LDB2: variants seen among roughly 807,000 people sequenced by gnomAD.
LDB2 encodes the protein LIM domain binding 2.
In LDB2, 12 loss-of-function variants were observed where a neutral mutation model predicts 44.3. The observed-to-expected ratio is 0.27, with a 90% CI of 0.17 to 0.44. LDB2 has a LOEUF of 0.44. LDB2 is among the 20% of genes least tolerant of loss of function. The pLI, the probability that LDB2 is intolerant of heterozygous loss-of-function variation, is 1.00. For missense variants in LDB2, 344 were observed against 473.5 expected, an observed-to-expected ratio of 0.73 and a Z score of 2.54; for synonymous variants, 164 against 174.8, an observed-to-expected ratio of 0.94 and a Z score of 0.49.
intron 5 of LDB2, among the ~76,000 whole-genome samples, chr4:16,581,009 T>C (rs1330605907): frequency 6.6e-6 from 1 of 152,194 alleles, no homozygotes; most frequent in African/African-American, 2.4e-5. Flanking sequence ...TGATGGCAAT[T>C]TCAAACTGAG....
chr4:16,683,971 C>T (rs1210311036), intron 2 of LDB2, among the ~76,000 whole-genome samples: 1 of 152,190 alleles, frequency 6.6e-6, no homozygotes, highest in Non-Finnish European at 1.5e-5. Flanking sequence ...ATTTATCTCA[C>T]TTTCTATTAG....
At chr4:16,788,008 A>T (rs1262265741) in intron 1 of LDB2, among the ~76,000 whole-genome samples, 1 of 152,098 alleles carries the variant, frequency 6.6e-6, no homozygotes, top group East Asian at 1.9e-4. Context: ...AAATGAAACC[A>T]AGCTTGGGGT....
At chr4:16,657,786 G>A (rs919711791) in intron 2 of LDB2, among the ~76,000 whole-genome samples, 1 of 152,116 alleles carries the variant, frequency 6.6e-6, no homozygotes, top group Non-Finnish European at 1.5e-5. Flanking sequence ...GTAGATGAAG[G>A]GGTGAATTAG....
Position 16,508,608 on chromosome 4 carries a change from C to T in LDB2, c.818G>A (p.Gly273Glu). The T allele has an allele frequency of 6.2e-7, 1 of 1,613,702 alleles. No individual in the cohort carries two copies. Among genetic ancestry groups the T allele is most frequent in the East Asian group, 2.2e-5 (1 of 44,830 alleles). Reference protein sequence around the residue: ...STSSTSNSSAGNNANSTGSKK... With the variant: ...STSSTSNSSAENNANSTGSKK... ...GCTGCCAGTGCTGTTTGCATTGTTC[C>T]CAGCGCTGCTGTTGGAAGTGCTGCT... The change falls in exon 7 of 8, where the codon GGG becomes GAG. Residue 273 changes from glycine (G) to glutamate (E), a missense_variant. By Grantham distance (98) the Gly-to-Glu change is moderately conservative. Around this residue, in one of 3 missense-constraint regions of LDB2, gnomAD observed 86 missense variants for 171.2 expected, o/e 0.50. Transcript: ENST00000304523.
At chr4:16,507,198 G>C (rs1719807938) in intron 7 of LDB2, 2 of 152,284 alleles carry the variant, frequency 1.3e-5, no homozygotes, top group Non-Finnish European at 2.9e-5. Context: ...ACTGCAATTT[G>C]TAACCTTGTA....
At chr4:16,756,256 C>A (rs1766619550) in intron 2 of LDB2, among the ~76,000 whole-genome samples, 2 of 152,082 alleles carry the variant, frequency 1.3e-5, no homozygotes, top group South Asian at 4.2e-4. Context: ...TAGAGACCAG[C>A]CTGGCCAACA....
intron 5 of LDB2, among the ~76,000 whole-genome samples, chr4:16,542,256 G>GC (rs1216740940): frequency 6.6e-6 from 1 of 152,116 alleles, no homozygotes; most frequent in Admixed American, 6.5e-5. Context: ...GCCCCAGCCC[G>GC]CAAAGCCTCA....
chr4:16,606,714 A>T (rs1194574965), intron 2 of LDB2, among the ~76,000 whole-genome samples: 2 of 152,210 alleles, frequency 1.3e-5, no homozygotes, highest in Non-Finnish European at 2.9e-5. Flanking sequence ...GCATGGAAAA[A>T]TTACTCCAGA....
chr4:16,639,202 T>C (rs145182054), intron 2 of LDB2, among the ~76,000 whole-genome samples: 336 of 152,344 alleles, frequency 2.2e-3, no homozygotes, highest in African/African-American at 6.3e-3. Flanking sequence ...AAAATGTTTC[T>C]GATGTTGTCT....
intron 2 of LDB2, among the ~76,000 whole-genome samples, chr4:16,634,105 A>T (rs966085121): frequency 1.3e-5 from 2 of 152,168 alleles, no homozygotes; most frequent in Admixed American, 6.5e-5. Context: ...CTAATATAAA[A>T]ACCAACTCAA....
intron 1 of LDB2, among the ~76,000 whole-genome samples, chr4:16,844,800 T>C (rs1203539397): frequency 1.3e-5 from 2 of 152,246 alleles, no homozygotes; most frequent in Non-Finnish European, 1.5e-5. Flanking sequence ...CTGAAAACAT[T>C]GCTTTTCCCT....
chr4:16,568,520 A>G (rs1745335581), intron 5 of LDB2, among the ~76,000 whole-genome samples: 1 of 152,180 alleles, frequency 6.6e-6, no homozygotes, highest in African/African-American at 2.4e-5. Context: ...GTATTAGCCC[A>G]CTAACCCATC....
intron 1 of LDB2, among the ~76,000 whole-genome samples, chr4:16,789,769 A>C (rs2109579461): frequency 6.6e-6 from 1 of 152,222 alleles, no homozygotes; most frequent in South Asian, 2.1e-4. Flanking sequence ...ATCTGTACTA[A>C]AAAATACAAA....
chr4:16,849,885 T>C (rs571217098), intron 1 of LDB2, among the ~76,000 whole-genome samples: 1 of 152,288 alleles, frequency 6.6e-6, no homozygotes, highest in South Asian at 2.1e-4. Context: ...CCAGCACACA[T>C]GCTAGTCATC....
intron 2 of LDB2, among the ~76,000 whole-genome samples, chr4:16,602,320 G>A (rs539488049): frequency 1.3e-5 from 2 of 152,286 alleles, no homozygotes; most frequent in Non-Finnish European, 2.9e-5. Context: ...GAACAAAGCC[G>A]TGCGAAGATC....
intron 2 of LDB2, among the ~76,000 whole-genome samples, chr4:16,722,065 T>G (rs2152683812): frequency 6.6e-6 from 1 of 152,286 alleles, no homozygotes; most frequent in Middle Eastern, 3.4e-3. Flanking sequence ...GGTTCTAGAT[T>G]CAGGTCTGTC....
chr4:16,700,773 G>T (rs1753258828), intron 2 of LDB2, among the ~76,000 whole-genome samples: 1 of 152,110 alleles, frequency 6.6e-6, no homozygotes, highest in Non-Finnish European at 1.5e-5. Flanking sequence ...GACACCTCCT[G>T]GGCCAGTTTG....
chr4:16,864,672 C>T (rs1214217646), intron 1 of LDB2, among the ~76,000 whole-genome samples: 1 of 152,188 alleles, frequency 6.6e-6, no homozygotes, highest in African/African-American at 2.4e-5. Context: ...CCCCTGTAAT[C>T]TTAGCACTTT....
At chr4:16,767,022 T>G (rs144442776) in intron 1 of LDB2, among the ~76,000 whole-genome samples, 2,025 of 152,362 alleles carry the variant, frequency 0.013, 49 homozygotes, top group African/African-American at 0.045. Flanking sequence ...AAAGTGGATA[T>G]GCCTAGACAT....
Sources: gnomAD v4.1 joint callset for allele counts (sites outside exome capture counted in the v4.1 genomes callset) on GRCh38, gnomAD v4.1.1 for gene constraint, gnomAD v4.1.1 regional missense constraint, MANE v1.5 for transcripts, NCBI Gene and HGNC (gene_info 2026-07-23, HGNC 2026-07-21) for gene names.